The following ERI1 variants were observed in gnomAD, a reference collection of about 807,000 sequenced individuals.
The protein encoded by ERI1 is 3'-5' exoribonuclease 1.
A neutral mutation model predicts 39.7 loss-of-function variants in ERI1; 39 were observed. That is an observed-to-expected ratio of 0.98 (90% confidence interval 0.76 to 1.28). The LOEUF is 1.28. Ranked by LOEUF, ERI1 falls within the 50% of genes most tolerant of loss-of-function variation. The pLI is 0.00. For synonymous variants in ERI1, 204 were observed against 149.6 expected (o/e 1.36, Z -2.65); for missense variants, 581 against 416.9 (o/e 1.39, Z -3.43).
chr8:9,019,052 T>G (rs1257491017), intron 5 of ERI1, among the ~76,000 whole-genome samples: 1 of 152,234 alleles, frequency 6.6e-6, no homozygotes, highest in Non-Finnish European at 1.5e-5. Flanking sequence ...TAAAATTCTT[T>G]CAGAGAAGGA....
At chr8:9,094,076 TTAA>T (rs922235170) in intron 3 of ERI1, among the ~76,000 whole-genome samples, 10 of 152,056 alleles carry the variant, frequency 6.6e-5, no homozygotes, top group African/African-American at 2.4e-4. Flanking sequence ...AACTAATTTT[TTAA>T]TAATAACAAG....
At chr8:9,049,336 C>CAAAAAAAAAAAAAAAAAAA (rs3989371) in intron 3 of ERI1, among the ~76,000 whole-genome samples, 9 of 33,248 alleles carry the variant, frequency 2.7e-4, no homozygotes, top group Admixed American at 9.3e-4. Flanking sequence ...ACTCCGTCTC[C>CAAAAAAAAAAAAAAAAAAA]AAAAAAAAAA....
At chr8:9,007,876 G>A in intron 1 of ERI1, 94 bp from the exon 2 acceptor site, 1 of 1,478,310 alleles carries the variant, frequency 6.8e-7, no homozygotes, top group Non-Finnish European at 9.0e-7. Context: ...AGAGGCTTCA[G>A]AAGTTTGAAA....
At chr8:9,063,400 G>A (rs1798766473) in intron 3 of ERI1, among the ~76,000 whole-genome samples, 1 of 152,180 alleles carries the variant, frequency 6.6e-6, no homozygotes, top group African/African-American at 2.4e-5. Flanking sequence ...GGCAGGTGGG[G>A]GAGGGCTAGT....
intron 1 of ERI1, among the ~76,000 whole-genome samples, chr8:9,006,631 A>T (rs1816048694): frequency 6.6e-6 from 1 of 152,206 alleles, no homozygotes; most frequent in South Asian, 2.1e-4. Flanking sequence ...ATCTATTGTA[A>T]ATCTAATATA....
chr8:9,052,376 C>G (rs150497449), intron 3 of ERI1, among the ~76,000 whole-genome samples: 34 of 151,968 alleles, frequency 2.2e-4, no homozygotes, highest in Non-Finnish European at 2.8e-4. Flanking sequence ...CTCTTGCTAC[C>G]AAAAGAACTG....
intron 3 of ERI1, among the ~76,000 whole-genome samples, chr8:9,074,782 A>G (rs1019269772): frequency 6.6e-6 from 1 of 152,216 alleles, no homozygotes; most frequent in Non-Finnish European, 1.5e-5. Context: ...ACTTCCTGTC[A>G]TATTTCCTTT....
chr8:9,022,562 G>A (rs1251969854), intron 6 of ERI1, among the ~76,000 whole-genome samples: 1 of 152,004 alleles, frequency 6.6e-6, no homozygotes, highest in Non-Finnish European at 1.5e-5. Flanking sequence ...ACCACAACTG[G>A]CTAATTTTTG....
At chr8:9,050,306 G>A (rs1213777903) in intron 3 of ERI1, among the ~76,000 whole-genome samples, 3 of 152,042 alleles carry the variant, frequency 2.0e-5, no homozygotes, top group African/African-American at 7.3e-5. Context: ...TCAGGAGTTC[G>A]AGACCACCCT....
intron 3 of ERI1, among the ~76,000 whole-genome samples, chr8:9,065,307 G>T (rs903517968): frequency 6.6e-6 from 1 of 152,052 alleles, no homozygotes; most frequent in African/African-American, 2.4e-5. Context: ...TTTGTTCTTT[G>T]AGGTGATGAT....
downstream of ERI1, among the ~76,000 whole-genome samples, chr8:9,036,662 T>C (rs770785948): frequency 1.5e-4 from 23 of 152,206 alleles, no homozygotes; most frequent in Non-Finnish European, 3.1e-4. Flanking sequence ...GTATATAGTA[T>C]GATCAAGAGC....
chr8:9,048,185 G>A (rs1798239674), intron 3 of ERI1, among the ~76,000 whole-genome samples: 3 of 152,230 alleles, frequency 2.0e-5, no homozygotes, highest in African/African-American at 7.2e-5. Context: ...GAGTCATCAA[G>A]GAAGCTGCGA....
At chr8:9,038,014 G>GA (rs1297859916), downstream of ERI1, among the ~76,000 whole-genome samples, 4 of 151,620 alleles carry the variant, frequency 2.6e-5, no homozygotes, top group African/African-American at 9.7e-5. Flanking sequence ...CCTAATACTT[G>GA]AAAAAAATTG....
chr8:9,016,256 C>T (rs1212626502), intron 3 of ERI1, 66 bp from the exon 4 acceptor site: 5 of 920,820 alleles, frequency 5.4e-6, no homozygotes, highest in Non-Finnish European at 6.6e-6. Flanking sequence ...ATGAATTCGT[C>T]GTGTATCATG....
intron 3 of ERI1, among the ~76,000 whole-genome samples, chr8:9,013,324 T>TAAAAA (rs34377572): frequency 7.3e-6 from 1 of 137,478 alleles, no homozygotes; most frequent in Non-Finnish European, 1.5e-5. Context: ...CATTCTCACT[T>TAAAAA]AAAAAAAAAA....
chr8:9,007,825 A>C lies in ERI1; in HGVS notation c.109-145A>C. On this transcript the variant is annotated intron_variant, in intron 1 of 6. Coordinates refer to ENST00000250263, the MANE Select transcript of ERI1 (RefSeq NM_153332.4). ...TTCCTTCTTATCCTTTCCTCCGTTTAGGAGCTGCAGTGAACACTTTTCATT... is the reference window on the plus strand; with the variant it reads ...TTCCTTCTTATCCTTTCCTCCGTTTCGGAGCTGCAGTGAACACTTTTCATT... 3 of 1,224,774 alleles carry C rather than the reference A, an allele frequency of 2.4e-6. No individual in the cohort carries two copies. In the South Asian group the frequency reaches 5.4e-5, roughly 22 times the overall value. 75.9% of individuals were successfully genotyped at this position (1,224,774 alleles called of 1,614,324 possible). A position where few individuals can be genotyped will look rare whatever the true frequency, so the allele number is the denominator to read the frequency against.
chr8:9,015,277 G>A (rs1423616424), intron 3 of ERI1, among the ~76,000 whole-genome samples: 1 of 152,208 alleles, frequency 6.6e-6, no homozygotes, highest in African/African-American at 2.4e-5. Flanking sequence ...TAAATCTTCT[G>A]CCATGAAGAA....
intron 3 of ERI1, among the ~76,000 whole-genome samples, chr8:9,038,499 C>T (rs944262847): frequency 5.3e-5 from 8 of 152,202 alleles, no homozygotes; most frequent in Admixed American, 5.2e-4. Context: ...GTGGCACATG[C>T]CTGTAATCCT....
chr8:9,078,210 G>C (rs1799266229), intron 3 of ERI1, among the ~76,000 whole-genome samples: 1 of 152,100 alleles, frequency 6.6e-6, no homozygotes, highest in Non-Finnish European at 1.5e-5. Context: ...GGCTGGTCCT[G>C]AACTGCTGAC....
Sources: allele counts gnomAD v4.1 joint callset (sites outside exome capture counted in the v4.1 genomes callset), GRCh38; gene constraint gnomAD v4.1.1; transcripts MANE v1.5; gene names NCBI Gene and HGNC (gene_info 2026-07-23, HGNC 2026-07-21).